Variants in PEAK1 observed in about 807,000 individuals in gnomAD.
PEAK1 encodes the protein pseudopodium enriched atypical kinase 1, also known as inactive tyrosine-protein kinase PEAK1.
In PEAK1, 54 loss-of-function variants were observed where a neutral mutation model predicts 124.7. The ratio of observed to expected loss-of-function variants is 0.43; its 90% CI spans 0.35 to 0.54. PEAK1 has a LOEUF of 0.54. PEAK1 is among the 20% of genes least tolerant of loss of function. The probability of loss-of-function intolerance (pLI) is 0.01; values close to 1 mark genes in which losing one functional copy is unlikely to be tolerated. For synonymous variants in PEAK1, 719 were observed against 760.0 expected, an observed-to-expected ratio of 0.95 and a Z score of 0.89; for missense variants, 2,046 against 2,134.5, an observed-to-expected ratio of 0.96 and a Z score of 0.82.
intron 6 of PEAK1, among the ~76,000 whole-genome samples, chr15:77,197,252 T>A (rs910991917): frequency 9.1e-4 from 139 of 152,240 alleles, no homozygotes; most frequent in African/African-American, 3.2e-3. Flanking sequence ...AAAAGAATGC[T>A]TAGGGAAGGA....
intron 7 of PEAK1, among the ~76,000 whole-genome samples, chr15:77,168,467 T>G (rs764314048): frequency 6.6e-6 from 1 of 152,220 alleles, no homozygotes. Flanking sequence ...CTGCAATTAT[T>G]CAACCCTGTT....
Position 77,265,599 on chromosome 15 carries a change from G to C in PEAK1, c.-274-13073C>G, listed in dbSNP as rs567607473. 6.3e-3 allele frequency among the ~76,000 whole-genome samples: 962 copies of C among 152,162 alleles called. 12 individuals are homozygous for C. The highest frequency in any genetic ancestry group is 0.022 in the African/African-American group (911 of 41,508). On this transcript the variant is annotated intron_variant, in intron 5 of 9. Coordinates refer to ENST00000682557, the MANE Select transcript of PEAK1 (RefSeq NM_001385026.1). The stretch of plus-strand genomic sequence containing the variant: ...TAGAATGGCGATCATTAAAAAGTCA[G>C]GAAACAACAGGTGCTGGAGAGGATG...
At chr15:77,136,067 T>A (rs542902785) in intron 8 of PEAK1, among the ~76,000 whole-genome samples, 9 of 152,320 alleles carry the variant, frequency 5.9e-5, no homozygotes, top group African/African-American at 2.2e-4. Flanking sequence ...TGCAGCTTCC[T>A]GGAGACTTGT....
At chr15:77,417,191 A>C in intron 1 of PEAK1, 1 of 234,368 alleles carries the variant, frequency 4.3e-6, no homozygotes, top group African/African-American at 2.3e-5. Flanking sequence ...ATTGGTTATC[A>C]CCTATCTTCT....
At chr15:77,188,186 T>C (rs1242566164) in intron 6 of PEAK1, among the ~76,000 whole-genome samples, 1 of 152,090 alleles carries the variant, frequency 6.6e-6, no homozygotes, top group East Asian at 1.9e-4. Flanking sequence ...GAACATGAGG[T>C]TCTCCTATCT....
At chr15:77,301,391 C>G (rs1045352224) in intron 2 of PEAK1, among the ~76,000 whole-genome samples, 1 of 152,168 alleles carries the variant, frequency 6.6e-6, no homozygotes, top group Non-Finnish European at 1.5e-5. Context: ...AATGTAAAGA[C>G]ATCTGCAGAG....
At chr15:77,151,148 G>C (rs951421213) in intron 8 of PEAK1, among the ~76,000 whole-genome samples, 25 of 151,862 alleles carry the variant, frequency 1.6e-4, no homozygotes, top group African/African-American at 5.1e-4. Context: ...AAGTGTTCCT[G>C]TTTCTCCACA....
chr15:77,336,197 G>T (rs925439049), intron 2 of PEAK1: 1 of 985,326 alleles, frequency 1.0e-6, no homozygotes, highest in East Asian at 1.1e-4. Context: ...GAGCTTCAGG[G>T]GCAGAGAATC....
At chr15:77,268,765 A>T (rs1419071523) in intron 5 of PEAK1, among the ~76,000 whole-genome samples, 1 of 152,150 alleles carries the variant, frequency 6.6e-6, no homozygotes, top group Admixed American at 6.6e-5. Flanking sequence ...CTGTGAGGCA[A>T]AAGTATCAGG....
chr15:77,323,005 G>C (rs1169958820), intron 2 of PEAK1, among the ~76,000 whole-genome samples: 1 of 152,052 alleles, frequency 6.6e-6, no homozygotes, highest in South Asian at 2.1e-4. Context: ...ACGTAATCCA[G>C]CATATAAACA....
chr15:77,298,064 CAAAA>C (rs771222323), intron 2 of PEAK1, among the ~76,000 whole-genome samples: 52 of 31,476 alleles, frequency 1.7e-3, no homozygotes, highest in African/African-American at 7.2e-3. Context: ...GACTCCGTCT[CAAAA>C]AAAAAAAAAA....
chr15:77,152,444 T>A (rs1292194676), intron 8 of PEAK1, among the ~76,000 whole-genome samples: 3 of 152,232 alleles, frequency 2.0e-5, no homozygotes, highest in Admixed American at 2.0e-4. Context: ...ACAGGGACAA[T>A]TTGACTTCCT....
chr15:77,118,826 T>C (rs528708731), intron 9 of PEAK1, among the ~76,000 whole-genome samples: 58 of 152,328 alleles, frequency 3.8e-4, no homozygotes, highest in Non-Finnish European at 6.8e-4. Context: ...AAACATTCCC[T>C]TTTCTAATAG....
Position 77,133,128 on chromosome 15 carries a change from A to T in PEAK1, c.3954T>A (p.Arg1318=). ...LFMAGQKDQL[R]FGVDSWSDFR... ...AGTCTGACCAGCTGTCCACTCCAAA[A>T]CGGAGCTGGTCTTTCTGCCCAGCCA... Residue 1318 remains arginine (R), a synonymous_variant, in exon 9 of 10, where the codon CGT becomes CGA. Transcript: ENST00000682557. The surrounding 1 kb of genome is among the most constrained non-coding windows in gnomAD (Gnocchi z 4.2). 1 of 1,614,188 alleles carries T rather than the reference A, an allele frequency of 6.2e-7. No individual in the cohort carries two copies. Among genetic ancestry groups the T allele is most frequent in the Non-Finnish European group, 8.5e-7 (1 of 1,180,032 alleles).
chr15:77,240,039 A>T (rs1447312560), intron 6 of PEAK1: 1 of 171,748 alleles, frequency 5.8e-6, no homozygotes. Flanking sequence ...AGTGTCTTCC[A>T]GGCAGGAAAT....
In PEAK1 at chr15:77,285,039, C is replaced by T. The variant is rs569496473; in HGVS notation, c.-504G>A. ...CAGAGGTTGCAGTGAGCCAAGATCACGCCACCGCACTCCAGCCTGGGCGAC... is the reference window on the plus strand; with the variant it reads ...CAGAGGTTGCAGTGAGCCAAGATCATGCCACCGCACTCCAGCCTGGGCGAC... On this transcript the variant is annotated 5_prime_UTR_variant, in exon 4 of 10. It adds an upstream start codon to the 5' untranslated region. Transcript: ENST00000682557. The T allele has an allele frequency of 1.6e-3, 247 of 150,336 alleles. 1 individual carries two copies. Among genetic ancestry groups the T allele is most frequent in the African/African-American group, 5.8e-3 (238 of 40,756 alleles). The allele number at this position is 150,336 out of a possible 1,614,324, so 9.3% of individuals were successfully genotyped here. A position where few individuals can be genotyped will look rare whatever the true frequency, so the allele number is the denominator to read the frequency against.
intron 6 of PEAK1, among the ~76,000 whole-genome samples, chr15:77,250,202 C>CATAT (rs1402726997): frequency 1.1e-4 from 11 of 104,396 alleles, no homozygotes; most frequent in African/African-American, 3.5e-4. Context: ...CATATATATA[C>CATAT]ATATATATGT....
chr15:77,348,813 G>GGGGGGGC, intron 2 of PEAK1: 2 of 371,964 alleles, frequency 5.4e-6, no homozygotes, highest in Non-Finnish European at 7.1e-6. Context: ...GAGGGGGCGG[G>GGGGGGGC]CAGGTGGGGG....
intron 6 of PEAK1, among the ~76,000 whole-genome samples, chr15:77,198,233 T>C (rs941673532): frequency 4.6e-5 from 7 of 152,242 alleles, no homozygotes; most frequent in South Asian, 2.1e-4. Flanking sequence ...GCGATGCTAA[T>C]CATCTCCACA....
Sources: allele counts gnomAD v4.1 joint callset (sites outside exome capture counted in the v4.1 genomes callset), GRCh38; gene constraint gnomAD v4.1.1; non-coding constraint Gnocchi (gnomAD v3.1); transcripts MANE v1.5; gene names NCBI Gene and HGNC (gene_info 2026-07-23, HGNC 2026-07-21).